FCRL1: variants seen among roughly 807,000 people sequenced by gnomAD.
FCRL1 encodes the protein Fc receptor-like protein 1.
FCRL1 carries 34 observed loss-of-function variants against 49.2 expected under a neutral mutation model. The observed-to-expected ratio is 0.69, with a 90% CI of 0.53 to 0.92. FCRL1 has a LOEUF of 0.92. Among genes scored for constraint, FCRL1 ranks in the 40% least tolerant of loss-of-function variants. FCRL1 has a pLI of 0.00. For synonymous variants in FCRL1, 218 were observed against 201.6 expected (o/e 1.08, Z -0.69); for missense variants, 524 against 524.1 (o/e 1.00, Z 0.00).
intron 1 of FCRL1, among the ~76,000 whole-genome samples, chr1:157,816,127 A>G (rs1326173108): frequency 6.6e-6 from 1 of 151,928 alleles, no homozygotes; most frequent in Non-Finnish European, 1.5e-5. Context: ...TGATGCCAAA[A>G]CCAGACAAAA....
intron 1 of FCRL1, among the ~76,000 whole-genome samples, chr1:157,814,023 C>T (rs1467256617): frequency 6.6e-6 from 1 of 151,988 alleles, no homozygotes; most frequent in East Asian, 1.9e-4. Flanking sequence ...AAACTCTCAC[C>T]CACACAAGCA....
chr1:157,810,624 C>T (rs1489150926), intron 1 of FCRL1, among the ~76,000 whole-genome samples: 1 of 151,946 alleles, frequency 6.6e-6, no homozygotes, highest in Non-Finnish European at 1.5e-5. Flanking sequence ...ATGAAAATGT[C>T]CTGTATTTTG....
chr1:157,805,945 A>G (rs1344920850), intron 2 of FCRL1, among the ~76,000 whole-genome samples: 2 of 152,214 alleles, frequency 1.3e-5, no homozygotes, highest in Non-Finnish European at 2.9e-5. Context: ...ACTATTCTCA[A>G]TGGGGCTAGG....
In FCRL1 at chr1:157,802,187, A is replaced by G; in HGVS notation, c.614T>C (p.Val205Ala). ...GLVSITVRIP[V>A]SRPILMLRAP... Reference sequence around the variant, plus strand: ...CCTGAGCATGAGGATTGGGCGAGACACCGGGACTGAGGGAGACAGTAGACT... The same window carrying G: ...CCTGAGCATGAGGATTGGGCGAGACGCCGGGACTGAGGGAGACAGTAGACT... Residue 205 changes from valine (V) to alanine (A), a missense_variant, in exon 5 of 11, where the codon GTG (valine) becomes GCG (alanine). Physicochemically the swap from Val to Ala is moderately conservative, Grantham distance 64 (BLOSUM62 0). Coordinates refer to ENST00000368176, the MANE Select transcript of FCRL1 (RefSeq NM_052938.5). 6.2e-7 allele frequency: 1 copy of G among 1,612,884 alleles called. No individual in the cohort carries two copies. Among genetic ancestry groups the G allele is most frequent in the Non-Finnish European group, 8.5e-7 (1 of 1,179,324 alleles).
At position 157,801,519 on chromosome 1, in the gene FCRL1, G is replaced by A. The variant is rs1207861146; in HGVS notation, c.945C>T (p.Ser315=). Residue 315 remains serine (S), a synonymous_variant, in exon 6 of 11, where the codon AGC becomes AGT. Transcript: ENST00000368176. ...LTSGVIEGLL[S]TLGPATVALL... is the part of the protein sequence containing the mutation. ...AGGCCACGGTGGCTGGACCAAGGGT[G>A]CTGAGCAGCCCCTCAATGACTCCTG... 1 of 1,614,110 alleles carries A rather than the reference G, an allele frequency of 6.2e-7. No homozygotes were observed. The highest frequency in any genetic ancestry group is 1.1e-5 in the South Asian group (1 of 91,070).
At chr1:157,796,211 G>T in intron 10 of FCRL1, 41 bp from the exon 11 acceptor site, 1 of 1,528,956 alleles carries the variant, frequency 6.5e-7, no homozygotes, top group Non-Finnish European at 9.1e-7. Flanking sequence ...AAGACAAGCA[G>T]AACATGCCTC....
chr1:157,809,378 T>G (rs1297414988), intron 1 of FCRL1, among the ~76,000 whole-genome samples: 1 of 150,626 alleles, frequency 6.6e-6, no homozygotes, highest in African/African-American at 2.4e-5. Context: ...TGGCAAAAAA[T>G]AAATTAATTA....
chr1:157,803,787 G>A (rs1187441267), intron 3 of FCRL1, 58 bp downstream of exon 3: 1 of 1,581,428 alleles, frequency 6.3e-7, no homozygotes, highest in Non-Finnish European at 8.6e-7. Context: ...GTGAGGATTA[G>A]CCTCTTGCCA....
At chr1:157,807,010 G>T in intron 2 of FCRL1, 92 bp downstream of exon 2, 1 of 1,422,400 alleles carries the variant, frequency 7.0e-7, no homozygotes, top group Non-Finnish European at 9.8e-7. Context: ...GGCAGGAAGG[G>T]GCTGCTAAGA....
Position 157,801,450 on chromosome 1 carries a change from T to G in FCRL1, c.1003+11A>C. 2 of 1,550,478 alleles carry G rather than the reference T, an allele frequency of 1.3e-6. No individual in the cohort carries two copies. Among genetic ancestry groups the G allele is most frequent in the South Asian group, 2.2e-5 (2 of 89,454 alleles). On this transcript the variant is annotated intron_variant, in intron 6 of 10. Transcript: ENST00000368176. ...CACAGTAACAAAATGCCACTCTCTT[T>G]AAATACTAACCTATTTTTCTTTTGA...
rs141151212 is a variant in FCRL1, at chr1:157,803,638, G to A, written c.319+207C>T. On this transcript the variant is annotated intron_variant, in intron 3 of 10. Coordinates refer to ENST00000368176, the MANE Select transcript of FCRL1 (RefSeq NM_052938.5). ...CCAGCACAGTGAAGACACACAGTAAGGGTTTCCTAAGTACTCTCTGTTTGC... is the reference window on the plus strand; with the variant it reads ...CCAGCACAGTGAAGACACACAGTAAAGGTTTCCTAAGTACTCTCTGTTTGC... Among the ~76,000 whole-genome samples, 186 of 152,296 alleles carry A rather than the reference G, an allele frequency of 1.2e-3. 6 individuals are homozygous for A. In the East Asian group the frequency reaches 0.032, roughly 27 times the overall value.
At position 157,796,232 on chromosome 1, in the gene FCRL1, C is replaced by T. The variant is rs1045628788; in HGVS notation, c.1219-62G>A. ...AGCAGAACATGCCTCCACTGGTCCC[C>T]TTCCCCAGTTAGCTTGGATGCATCT... is the stretch of plus-strand genomic sequence containing the variant. On this transcript the variant is annotated intron_variant, in intron 10 of 10. Coordinates refer to ENST00000368176, the MANE Select transcript of FCRL1 (RefSeq NM_052938.5). 16 of 1,357,766 alleles carry T rather than the reference C, an allele frequency of 1.2e-5. No individual in the cohort carries two copies. The African/African-American group carries it at 1.4e-4, about 12-fold the overall frequency. 84.1% of individuals were successfully genotyped at this position (1,357,766 alleles called of 1,614,324 possible).
intron 1 of FCRL1, among the ~76,000 whole-genome samples, chr1:157,818,768 T>TA (rs143979802): frequency 9.2e-5 from 14 of 152,174 alleles, no homozygotes; most frequent in Non-Finnish European, 1.6e-4. Flanking sequence ...GTGATTGTCA[T>TA]AAAAAACCAT....
At chr1:157,803,788 C>A (rs1652921615) in intron 3 of FCRL1, 57 bp downstream of exon 3, 1 of 1,583,610 alleles carries the variant, frequency 6.3e-7, no homozygotes, top group Non-Finnish European at 8.6e-7. Context: ...TGAGGATTAG[C>A]CTCTTGCCAC....
intron 1 of FCRL1, among the ~76,000 whole-genome samples, chr1:157,818,323 T>TA: frequency 6.6e-6 from 1 of 151,880 alleles, no homozygotes; most frequent in Non-Finnish European, 1.5e-5. Flanking sequence ...TATTCAGACA[T>TA]AAAAAATAAT....
intron 10 of FCRL1, 41 bp downstream of exon 10, chr1:157,797,060 G>A: frequency 6.2e-7 from 1 of 1,604,614 alleles, no homozygotes; most frequent in African/African-American, 1.3e-5. Context: ...GTCCCCAGAG[G>A]AAAGAAAGAA....
rs749715621 is a variant in FCRL1, at chr1:157,796,170, C to T, written c.1219G>A (p.Val407Ile). The T allele has an allele frequency of 2.5e-6, 4 of 1,613,628 alleles. No individual in the cohort carries two copies. In the Admixed American group the frequency reaches 6.7e-5, roughly 27 times the overall value. Residue 407 changes from valine to isoleucine, a missense_variant and splice_region_variant, in exon 11 of 11, where the codon GTT becomes ATT. Transcript: ENST00000368176. ...ETLGTHMEDK[V>I]SLDIYSRLRK... ...AGCCTGGAATAGATGTCTAAGGAAA[C>T]CTGGAAGCAAAGATTAGGACTAGAG...
chr1:157,803,929 C>T lies in FCRL1; in HGVS notation c.235G>A (p.Glu79Lys). 6.2e-7 allele frequency: 1 copy of T among 1,614,206 alleles called. No homozygotes were observed. Residue 79 changes from glutamate (E) to lysine (K), a missense_variant, in exon 3 of 11, where the codon GAA becomes AAA. Glu to Lys is a moderately conservative substitution (Grantham distance 56, BLOSUM62 1). Coordinates refer to ENST00000368176, the MANE Select transcript of FCRL1 (RefSeq NM_052938.5). ...PKLQIAAMWK[E>K]DTGSYWCEAQ... ...TCGCACCAGTATGACCCTGTGTCTT[C>T]TTTCCACATGGCAGCGATCTGGAGC... is the stretch of plus-strand genomic sequence containing the variant.
At chr1:157,802,705 G>C (rs765158854) in intron 3 of FCRL1, 41 bp from the exon 4 acceptor site, 36 of 1,573,698 alleles carry the variant, frequency 2.3e-5, no homozygotes, top group Non-Finnish European at 3.1e-5. Context: ...CCTGTGCAGG[G>C]AGAGTTTCAA....
Sources: allele counts gnomAD v4.1 joint callset (sites outside exome capture counted in the v4.1 genomes callset), GRCh38; gene constraint gnomAD v4.1.1; transcripts MANE v1.5; gene names NCBI Gene and HGNC (gene_info 2026-07-23, HGNC 2026-07-21).